The following SCN2A variants were observed in gnomAD, a reference collection of about 807,000 sequenced individuals.
SCN2A encodes the protein sodium channel protein type 2 subunit alpha.
In SCN2A, 20 loss-of-function variants were observed where a neutral mutation model predicts 188.7. The observed-to-expected ratio is 0.11, with a 90% CI of 0.07 to 0.15. The LOEUF (loss-of-function observed/expected upper bound fraction) is 0.15. Among genes scored for constraint, SCN2A ranks in the 10% least tolerant of loss-of-function variants. SCN2A has a pLI of 1.00. For missense variants in SCN2A, 1,278 were observed against 2,445.0 expected (o/e 0.52, Z 10.07); for synonymous variants, 804 against 833.1 (o/e 0.97, Z 0.60).
chr2:165,284,674 A>G (rs920298015), intron 1 of SCN2A, among the ~76,000 whole-genome samples: 1 of 152,200 alleles, frequency 6.6e-6, no homozygotes, highest in African/African-American at 2.4e-5. Flanking sequence ...TGAGCTGGAA[A>G]TATTCAGGTA....
chr2:165,312,410 A>G (rs1395435861), intron 8 of SCN2A, among the ~76,000 whole-genome samples: 3 of 152,148 alleles, frequency 2.0e-5, no homozygotes, highest in African/African-American at 4.8e-5. Flanking sequence ...GTCATATTTT[A>G]TATATACTAA....
chr2:165,337,532 C>G (rs1328096043), intron 14 of SCN2A, among the ~76,000 whole-genome samples: 1 of 152,066 alleles, frequency 6.6e-6, no homozygotes, highest in Non-Finnish European at 1.5e-5. Context: ...TTAGGCACAT[C>G]TTAGTCATGC....
At chr2:165,306,885 T>A (rs1697168917) in intron 3 of SCN2A, among the ~76,000 whole-genome samples, 1 of 152,174 alleles carries the variant, frequency 6.6e-6, no homozygotes, top group Non-Finnish European at 1.5e-5. Flanking sequence ...GTGTCCAGAT[T>A]CACAATGATA....
At chr2:165,320,388 G>T (rs902379202) in intron 11 of SCN2A, 1 of 152,254 alleles carries the variant, frequency 6.6e-6, no homozygotes, top group Non-Finnish European at 1.5e-5. Context: ...GATGTTGGTG[G>T]ATCTATTATT....
intron 1 of SCN2A, among the ~76,000 whole-genome samples, chr2:165,266,001 G>A (rs1035606258): frequency 3.3e-5 from 5 of 151,336 alleles, no homozygotes; most frequent in Admixed American, 2.0e-4. Context: ...TTACATTTCT[G>A]TTATAATATT....
chr2:165,265,515 A>ATATATATATATATATT (rs1188795670), intron 1 of SCN2A, among the ~76,000 whole-genome samples: 2 of 115,472 alleles, frequency 1.7e-5, no homozygotes, highest in Admixed American at 1.9e-4. Context: ...ATATATATAT[A>ATATATATATATATATT]TTGCTGTGCA....
chr2:165,346,371 A>G (rs904655217), intron 16 of SCN2A, among the ~76,000 whole-genome samples: 1 of 152,132 alleles, frequency 6.6e-6, no homozygotes, highest in Non-Finnish European at 1.5e-5. Context: ...GTCTTTTCAC[A>G]TAGTCCCATG....
At chr2:165,312,544 C>T (rs995163331) in intron 8 of SCN2A, among the ~76,000 whole-genome samples, 5 of 152,072 alleles carry the variant, frequency 3.3e-5, no homozygotes, top group Non-Finnish European at 7.4e-5. Context: ...TGCATAGAGT[C>T]AGACTTTGAC....
At chr2:165,330,889 A>G (rs982422720) in intron 13 of SCN2A, among the ~76,000 whole-genome samples, 3 of 152,190 alleles carry the variant, frequency 2.0e-5, no homozygotes, top group African/African-American at 7.2e-5. Flanking sequence ...TAATTAGAAG[A>G]TCACCAAAAC....
intron 3 of SCN2A, among the ~76,000 whole-genome samples, chr2:165,297,565 G>A (rs1309687110): frequency 6.6e-6 from 1 of 152,150 alleles, no homozygotes; most frequent in Non-Finnish European, 1.5e-5. Context: ...TATGTTTTTG[G>A]TCTGAATTTT....
At chr2:165,309,172 A>T in intron 5 of SCN2A, 180 bp from the exon 6 acceptor site, 5 of 1,613,472 alleles carry the variant, frequency 3.1e-6, no homozygotes, top group Non-Finnish European at 4.2e-6. Flanking sequence ...CAGGTATGTA[A>T]CAGAATTTGT....
intron 3 of SCN2A, among the ~76,000 whole-genome samples, chr2:165,300,546 G>A (rs1422367027): frequency 3.9e-5 from 6 of 152,150 alleles, no homozygotes; most frequent in African/African-American, 7.2e-5. Flanking sequence ...GCAGAGATCC[G>A]AAGGAAGCAA....
chr2:165,272,080 C>T (rs1221501294), intron 1 of SCN2A: 1 of 151,850 alleles, frequency 6.6e-6, no homozygotes, highest in Admixed American at 6.6e-5. Context: ...GATTGTCAGA[C>T]TGGATAAAGA....
At chr2:165,306,194 G>A (rs115706240) in intron 3 of SCN2A, among the ~76,000 whole-genome samples, 1 of 152,142 alleles carries the variant, frequency 6.6e-6, no homozygotes, top group African/African-American at 2.4e-5. Flanking sequence ...AAATGGAGCC[G>A]GAAGAAAGAA....
rs1174342664 is a variant in SCN2A, at chr2:165,389,946, A to G, written c.*122A>G. ...AAACTGACTGTTTTTACAAATGTAT[A>G]CTTAAGGTCAGTGCCTATAACAAGA... is the stretch of plus-strand genomic sequence containing the variant. On this transcript the variant is annotated 3_prime_UTR_variant, in exon 27 of 27. Coordinates refer to ENST00000375437, the MANE Select transcript of SCN2A (RefSeq NM_001040142.2). The surrounding 1 kb of genome is among the most constrained non-coding windows in gnomAD (Gnocchi z 4.2). 11 of 1,479,142 alleles carry G rather than the reference A, an allele frequency of 7.4e-6. No homozygotes were observed. The highest frequency in any genetic ancestry group is 1.4e-5 in the African/African-American group (1 of 70,716). The allele number at this position is 1,479,142 out of a possible 1,614,324, so 91.6% of individuals were successfully genotyped here.
At chr2:165,327,146 C>T in intron 13 of SCN2A, 162 bp downstream of exon 13, 2 of 869,730 alleles carry the variant, frequency 2.3e-6, no homozygotes, top group South Asian at 3.3e-5. Flanking sequence ...ATTCTATTAT[C>T]TTCCACAGAT....
intron 3 of SCN2A, among the ~76,000 whole-genome samples, chr2:165,304,122 G>A (rs374900173): frequency 6.6e-6 from 1 of 152,060 alleles, no homozygotes; most frequent in South Asian, 2.1e-4. Context: ...ATTTTAGACA[G>A]AGTCTCACTC....
intron 16 of SCN2A, among the ~76,000 whole-genome samples, chr2:165,346,114 C>T (rs189179950): frequency 1.6e-4 from 24 of 152,184 alleles, no homozygotes; most frequent in African/African-American, 4.6e-4. Flanking sequence ...GTGGGTAACC[C>T]GACCTTTCTC....
At chr2:165,239,675 C>T (rs1693533387) in intron 1 of SCN2A, 35 bp downstream of exon 1, 7 of 934,504 alleles carry the variant, frequency 7.5e-6, no homozygotes, top group South Asian at 4.9e-5. Flanking sequence ...GACTTATCCA[C>T]GGATTGTTAT....
Sources: allele counts gnomAD v4.1 joint callset (sites outside exome capture counted in the v4.1 genomes callset), GRCh38; gene constraint gnomAD v4.1.1; non-coding constraint Gnocchi (gnomAD v3.1); transcripts MANE v1.5; gene names NCBI Gene and HGNC (gene_info 2026-07-23, HGNC 2026-07-21).